SCAPER: variants seen among roughly 807,000 people sequenced by gnomAD.
The protein encoded by SCAPER is S phase cyclin A-associated protein in the endoplasmic reticulum.
SCAPER carries 98 observed loss-of-function variants against 182.2 expected under a neutral mutation model. The observed-to-expected ratio is 0.54, with a 90% CI of 0.46 to 0.64. The LOEUF is 0.64. SCAPER is among the 30% of genes least tolerant of loss of function. The pLI is 0.00. For missense variants in SCAPER, 1,432 were observed against 1,690.0 expected, an observed-to-expected ratio of 0.85 and a Z score of 2.68; for synonymous variants, 605 against 564.6, an observed-to-expected ratio of 1.07 and a Z score of -1.01.
chr15:76,721,746 A>G (rs1598367145), intron 17 of SCAPER, among the ~76,000 whole-genome samples: 1 of 152,094 alleles, frequency 6.6e-6, no homozygotes, highest in East Asian at 1.9e-4. Flanking sequence ...TTGGTGTATA[A>G]GAATGCTTGT....
chr15:76,760,794 A>G (rs1448384725), intron 14 of SCAPER, among the ~76,000 whole-genome samples: 1 of 152,190 alleles, frequency 6.6e-6, no homozygotes. Flanking sequence ...TGGAAAAACA[A>G]TATTATCCTA....
At chr15:76,821,979 T>C (rs1339782007) in intron 5 of SCAPER, among the ~76,000 whole-genome samples, 1 of 151,710 alleles carries the variant, frequency 6.6e-6, no homozygotes, top group Non-Finnish European at 1.5e-5. Context: ...AAAAGATCAG[T>C]GGCTGCTGGG....
intron 24 of SCAPER, among the ~76,000 whole-genome samples, chr15:76,495,167 C>T: frequency 6.6e-6 from 1 of 152,058 alleles, no homozygotes; most frequent in East Asian, 1.9e-4. Flanking sequence ...ATGAACCCAA[C>T]ACCTACCAGA....
intron 21 of SCAPER, among the ~76,000 whole-genome samples, chr15:76,633,263 C>T (rs531029824): frequency 2.7e-4 from 41 of 152,256 alleles, no homozygotes; most frequent in African/African-American, 4.3e-4. Context: ...CACCAGTGGA[C>T]GCTGCCGAAC....
chr15:76,536,743 G>A (rs2044199625), intron 23 of SCAPER, among the ~76,000 whole-genome samples: 1 of 151,946 alleles, frequency 6.6e-6, no homozygotes. Flanking sequence ...AGGAAATAAA[G>A]GGTATTCAAT....
Position 76,765,627 on chromosome 15 carries a change from GC to G in SCAPER, c.1430del (p.Gly477AlafsTer37). ...DNDSDFSASM[G>X]SGSVSFCGMS... ...TACCACAGAAAGAAACACTCCCACT[GC>G]CCATGCTGGCCTAAAATGTAATAAG... is the stretch of plus-strand genomic sequence containing the variant. On this transcript the variant is annotated frameshift_variant, in exon 12 of 32. Transcript: ENST00000563290. LOFTEE classifies it high-confidence loss of function. 6.3e-7 allele frequency: 1 copy of G among 1,576,872 alleles called. No individual in the cohort carries two copies. The highest frequency in any genetic ancestry group is 1.2e-5 in the South Asian group (1 of 86,112).
intron 10 of SCAPER, among the ~76,000 whole-genome samples, chr15:76,771,296 T>C (rs1363954297): frequency 2.7e-4 from 41 of 152,180 alleles, no homozygotes; most frequent in South Asian, 2.1e-4. Flanking sequence ...GATTCTGGAA[T>C]AGGGATGGTA....
At chr15:76,817,368 C>T (rs886880361) in intron 5 of SCAPER, among the ~76,000 whole-genome samples, 5 of 151,734 alleles carry the variant, frequency 3.3e-5, no homozygotes, top group Admixed American at 2.6e-4. Context: ...TAAACAAAGT[C>T]GAATACGTAG....
intron 29 of SCAPER, 38 bp downstream of exon 29, chr15:76,376,124 T>A: frequency 6.2e-7 from 1 of 1,609,454 alleles, no homozygotes; most frequent in East Asian, 2.2e-5. Context: ...CTCTCAGCAC[T>A]GGGGGAGCAG....
At chr15:76,642,431 T>C (rs977120681) in intron 21 of SCAPER, among the ~76,000 whole-genome samples, 5 of 152,230 alleles carry the variant, frequency 3.3e-5, no homozygotes, top group Non-Finnish European at 7.3e-5. Context: ...TTATTTTTAT[T>C]CTTCAATTTA....
chr15:76,518,663 T>C (rs2042623024), intron 23 of SCAPER, among the ~76,000 whole-genome samples: 1 of 152,186 alleles, frequency 6.6e-6, no homozygotes, highest in Non-Finnish European at 1.5e-5. Flanking sequence ...TTGCAAAATG[T>C]GTTCCTATCA....
chr15:76,652,633 G>A (rs1008865346), intron 21 of SCAPER, among the ~76,000 whole-genome samples: 8 of 150,558 alleles, frequency 5.3e-5, no homozygotes, highest in African/African-American at 1.5e-4. Context: ...ATCACTTAGA[G>A]CGGGGAGGCA....
At chr15:76,590,849 T>C (rs1054259291) in intron 22 of SCAPER, among the ~76,000 whole-genome samples, 2 of 152,214 alleles carry the variant, frequency 1.3e-5, no homozygotes, top group Admixed American at 6.5e-5. Context: ...GGAAATACTA[T>C]TCAGTCATTT....
At chr15:76,665,991 G>A (rs1241199806) in intron 20 of SCAPER, among the ~76,000 whole-genome samples, 4 of 152,106 alleles carry the variant, frequency 2.6e-5, no homozygotes, top group African/African-American at 9.7e-5. Flanking sequence ...TCACTTCATT[G>A]CATATCAATT....
At chr15:76,549,753 A>AG (rs2045601777) in intron 23 of SCAPER, among the ~76,000 whole-genome samples, 1 of 151,522 alleles carries the variant, frequency 6.6e-6, no homozygotes. Flanking sequence ...TAAAAACAAA[A>AG]AAAAGGATGA....
chr15:76,657,214 A>T (rs1332857761), intron 21 of SCAPER, among the ~76,000 whole-genome samples: 1 of 152,162 alleles, frequency 6.6e-6, no homozygotes, highest in Middle Eastern at 3.2e-3. Flanking sequence ...GCCTAAGGGA[A>T]CATTAATACC....
At chr15:76,505,063 G>T (rs2041457380) in intron 23 of SCAPER, 89 bp from the exon 24 acceptor site, 4 of 829,520 alleles carry the variant, frequency 4.8e-6, no homozygotes, top group East Asian at 2.7e-5. Flanking sequence ...CATACTGATG[G>T]TTCAACTATT....
At chr15:76,620,472 TCTTA>T (rs1453416192) in intron 22 of SCAPER, among the ~76,000 whole-genome samples, 2 of 152,224 alleles carry the variant, frequency 1.3e-5, no homozygotes, top group Non-Finnish European at 2.9e-5. Flanking sequence ...TTGATAATTT[TCTTA>T]CTTCTTTAAT....
intron 21 of SCAPER, among the ~76,000 whole-genome samples, chr15:76,647,259 C>T (rs1030726860): frequency 3.3e-5 from 5 of 152,144 alleles, no homozygotes; most frequent in East Asian, 1.9e-4. Flanking sequence ...GGAAAAGAGA[C>T]GGTTGAAGTG....
Sources: gnomAD v4.1 joint callset for allele counts (sites outside exome capture counted in the v4.1 genomes callset) on GRCh38, gnomAD v4.1.1 for gene constraint, MANE v1.5 for transcripts, NCBI Gene and HGNC (gene_info 2026-07-23, HGNC 2026-07-21) for gene names.